MYCBP2: variants seen among roughly 807,000 people sequenced by gnomAD.
The protein encoded by MYCBP2 is MYC binding protein 2.
MYCBP2 carries 120 observed loss-of-function variants against 525.3 expected under a neutral mutation model. That is an observed-to-expected ratio of 0.23 (90% confidence interval 0.20 to 0.27). The LOEUF is 0.27. MYCBP2 is among the 10% of genes least tolerant of loss of function. The probability of loss-of-function intolerance (pLI) is 1.00; values close to 1 mark genes in which losing one functional copy is unlikely to be tolerated. For synonymous variants in MYCBP2, 1,894 were observed against 1,955.8 expected (o/e 0.97, Z 0.83); for missense variants, 4,149 against 5,657.1 (o/e 0.73, Z 8.55).
At chr13:77,213,099 A>C (rs1385769366) in intron 21 of MYCBP2, among the ~76,000 whole-genome samples, 1 of 152,220 alleles carries the variant, frequency 6.6e-6, no homozygotes, top group Non-Finnish European at 1.5e-5. Flanking sequence ...TGATTAGAGA[A>C]GCAGCCAAAA....
chr13:77,212,062 A>G lies in MYCBP2; in HGVS notation c.3156T>C (p.Thr1052=), dbSNP rs2064090319. 3 of 1,614,024 alleles carry G rather than the reference A, an allele frequency of 1.9e-6. No individual in the cohort carries two copies. The highest frequency in any genetic ancestry group is 1.7e-5 in the Admixed American group (1 of 60,012). The change falls in exon 22 of 83, where the codon ACT becomes ACC. Residue 1052 remains threonine (T), a synonymous_variant. Transcript: ENST00000544440. ...NIGSKYGRKA[T]WIGASGDQTF... The stretch of plus-strand genomic sequence containing the variant: ...TTTGGTCCCCACTTGCACCTATCCA[A>G]GTAGCTTTTCTTCCATATTTTGATC...
At chr13:77,297,898 T>C (rs183888895) in intron 1 of MYCBP2, among the ~76,000 whole-genome samples, 2 of 152,234 alleles carry the variant, frequency 1.3e-5, no homozygotes, top group African/African-American at 4.8e-5. Flanking sequence ...ACCTCTTACC[T>C]GGACCACTGC....
intron 32 of MYCBP2, among the ~76,000 whole-genome samples, chr13:77,183,404 A>T (rs534301361): frequency 1.2e-3 from 175 of 152,166 alleles, no homozygotes; most frequent in Admixed American, 3.1e-3. Flanking sequence ...TTTTAAATGG[A>T]TATGAGGCAA....
At position 77,166,495 on chromosome 13, in the gene MYCBP2, A is replaced by C. The variant is rs2154215535; in HGVS notation, c.6174T>G (p.Thr2058=). 1 of 1,613,974 alleles carries C rather than the reference A, an allele frequency of 6.2e-7. No homozygotes were observed. The highest frequency in any genetic ancestry group is 8.5e-7 in the Non-Finnish European group (1 of 1,179,888). ...AACGAAGGACATCTTCTGACTGTGC[A>C]GTACCACACTGAGGGTCAAATTCGA... The part of the protein sequence containing the change: ...MTIEFDPQCG[T]AQSEDVLRLL... Residue 2058 remains threonine, a synonymous_variant, in exon 41 of 83, where the codon ACT becomes ACG. Coordinates refer to ENST00000544440, the MANE Select transcript of MYCBP2 (RefSeq NM_015057.5).
At chr13:77,269,969 GT>G in intron 7 of MYCBP2, 22 bp downstream of exon 7, 1 of 1,585,388 alleles carries the variant, frequency 6.3e-7, no homozygotes, top group Non-Finnish European at 8.6e-7. Flanking sequence ...GAAAATTTTG[GT>G]TTATTGTGGA....
In MYCBP2 at chr13:77,307,640, A is replaced by C. The variant is rs534638375; in HGVS notation, c.303-10966T>G. On this transcript the variant is annotated intron_variant, in intron 1 of 82. Transcript: ENST00000544440. ...GACCCTGTCTCAAAAAAAAAAAAAA[A>C]AAAAAAAAAAAAAACTTCATTGTAT... Among the ~76,000 whole-genome samples, 216 of 150,138 alleles carry C rather than the reference A, an allele frequency of 1.4e-3. 1 individual carries two copies. Among genetic ancestry groups the C allele is most frequent in the African/African-American group, 5.0e-3 (205 of 40,638 alleles).
intron 1 of MYCBP2, among the ~76,000 whole-genome samples, chr13:77,323,009 C>T (rs2081873244): frequency 6.6e-6 from 1 of 152,278 alleles, no homozygotes; most frequent in Non-Finnish European, 1.5e-5. Flanking sequence ...TTCAAGTCCC[C>T]ACACCCCTCA....
At chr13:77,197,450 G>A (rs1458146465) in intron 26 of MYCBP2, among the ~76,000 whole-genome samples, 2 of 152,130 alleles carry the variant, frequency 1.3e-5, no homozygotes, top group Non-Finnish European at 2.9e-5. Context: ...ATCAGTGGAA[G>A]AGCATGAATT....
In MYCBP2 at chr13:77,098,731, G is replaced by C. The variant is rs772863734; in HGVS notation, c.8423C>G (p.Ser2808Cys). ...ACCTGGTCCTGGGGATTCAGCTCTGGAGCTAGAAGGCATCCTCCCATCAGA... is the reference window on the plus strand; with the variant it reads ...ACCTGGTCCTGGGGATTCAGCTCTGCAGCTAGAAGGCATCCTCCCATCAGA... ...LKSDGRMPSS[S>C]RAESPGPGSR... Residue 2808 changes from serine (S) to cysteine (C), a missense_variant, in exon 56 of 83, where the codon TCC becomes TGC. Ser to Cys is a moderately radical substitution (Grantham distance 112). Around this residue, in one of 21 missense-constraint regions of MYCBP2, gnomAD observed 653 missense variants for 744.7 expected, o/e 0.88. Coordinates refer to ENST00000544440, the MANE Select transcript of MYCBP2 (RefSeq NM_015057.5). The C allele has an allele frequency of 6.2e-7, 1 of 1,613,524 alleles. No individual in the cohort carries two copies.
chr13:77,077,659 A>G, intron 66 of MYCBP2: 1 of 334,854 alleles, frequency 3.0e-6, no homozygotes, highest in Non-Finnish European at 5.4e-6. Flanking sequence ...TCCAGGCCTG[A>G]CTACGATATG....
rs542086811 is a variant in MYCBP2 at position 77,140,118 on chromosome 13, T to C, written c.7447A>G (p.Ser2483Gly). ...TGCTCACTCTGAAGGGAAGGGTGGC[T>C]ACGGATGCGAAGCCCCGCACTGTCC... The part of the protein sequence containing the change: ...AKDSAGLRIR[S>G]HPSLQSEQIG... Residue 2483 changes from serine to glycine, a missense_variant, in exon 51 of 83, where the codon AGC becomes GGC. Physicochemically the swap from Ser to Gly is moderately conservative, Grantham distance 56. This residue lies in a region of MYCBP2 where 692 missense variants were observed against 852.7 expected (regional missense o/e 0.81). Coordinates refer to ENST00000544440, the MANE Select transcript of MYCBP2 (RefSeq NM_015057.5). 1 of 1,613,358 alleles carries C rather than the reference T, an allele frequency of 6.2e-7. No individual in the cohort carries two copies. Among genetic ancestry groups the C allele is most frequent in the Non-Finnish European group, 8.5e-7 (1 of 1,179,842 alleles).
chr13:77,064,483 A>G, intron 73 of MYCBP2, 132 bp downstream of exon 73: 1 of 1,039,214 alleles, frequency 9.6e-7, no homozygotes, highest in South Asian at 1.8e-5. Context: ...TACTTTTTCA[A>G]TAAATACGGT....
chr13:77,206,631 G>A, intron 24 of MYCBP2, 22 bp downstream of exon 24: 3 of 1,533,634 alleles, frequency 2.0e-6, no homozygotes, highest in Non-Finnish European at 2.6e-6. Context: ...TGAATTAATG[G>A]TACATCAAAT....
At chr13:77,086,855 A>G (rs535418045) in intron 62 of MYCBP2, among the ~76,000 whole-genome samples, 2 of 152,118 alleles carry the variant, frequency 1.3e-5, no homozygotes, top group Non-Finnish European at 2.9e-5. Flanking sequence ...AAAAATATCA[A>G]TTATACTTAG....
At chr13:77,283,157 A>ATGCAATCATGCAAGTC (rs1448153322) in intron 3 of MYCBP2, among the ~76,000 whole-genome samples, 1 of 152,158 alleles carries the variant, frequency 6.6e-6, no homozygotes, top group East Asian at 1.9e-4. Flanking sequence ...GGTGAGTCTG[A>ATGCAATCATGCAAGTC]TGCAATCATG....
rs542847362 is a variant in MYCBP2, at chr13:77,063,626, G to C, written c.12673-929C>G. On this transcript the variant is annotated intron_variant, in intron 73 of 82. Coordinates refer to ENST00000544440, the MANE Select transcript of MYCBP2 (RefSeq NM_015057.5). ...AGTTAAAAATTTCTGAGGCTTAAAGGGTAAGCTTCAGTTTTATATAGAATG... is the reference window on the plus strand; with the variant it reads ...AGTTAAAAATTTCTGAGGCTTAAAGCGTAAGCTTCAGTTTTATATAGAATG... 3.3e-5 allele frequency among the ~76,000 whole-genome samples: 5 copies of C among 151,398 alleles called. No individual in the cohort carries two copies. In the East Asian group the frequency reaches 7.8e-4, roughly 24 times the overall value.
intron 35 of MYCBP2, 58 bp downstream of exon 35, chr13:77,177,690 G>A: frequency 7.3e-7 from 1 of 1,366,106 alleles, no homozygotes; most frequent in South Asian, 1.2e-5. Flanking sequence ...CTATGACAAT[G>A]GTAAATCCTG....
At chr13:77,272,062 T>C (rs2074974207) in intron 5 of MYCBP2, among the ~76,000 whole-genome samples, 1 of 152,212 alleles carries the variant, frequency 6.6e-6, no homozygotes, top group South Asian at 2.1e-4. Flanking sequence ...TTTTGTGTTG[T>C]CTAGTGATTG....
Position 77,233,890 on chromosome 13 carries a change from G to GAA in MYCBP2, c.2630-628_2630-627insTT, listed in dbSNP as rs1475890283. On this transcript the variant is annotated intron_variant, in intron 17 of 82. Coordinates refer to ENST00000544440, the MANE Select transcript of MYCBP2 (RefSeq NM_015057.5). ...AGAGAGAGAGAACGAGAGAGAGAGA[G>GAA]AGAGAGAAAGGAGCTTGGGCTTTAT... is the stretch of plus-strand genomic sequence containing the variant. Among the ~76,000 whole-genome samples the GAA allele has an allele frequency of 4.0e-5, 6 of 151,838 alleles. No individual in the cohort carries two copies. In the East Asian group the frequency reaches 5.8e-4, roughly 15 times the overall value.
Sources: allele counts gnomAD v4.1 joint callset (sites outside exome capture counted in the v4.1 genomes callset), GRCh38; gene constraint gnomAD v4.1.1; regional missense constraint gnomAD v4.1.1; transcripts MANE v1.5; gene names NCBI Gene and HGNC (gene_info 2026-07-23, HGNC 2026-07-21).